The following SLCO3A1 variants were observed in gnomAD, a reference collection of about 807,000 sequenced individuals.
SLCO3A1 encodes PGE1 transporter.
SLCO3A1 carries 27 observed loss-of-function variants against 63.1 expected under a neutral mutation model. The observed-to-expected ratio is 0.43, with a 90% CI of 0.32 to 0.59. The LOEUF (loss-of-function observed/expected upper bound fraction) is 0.59. SLCO3A1 is among the 20% of genes least tolerant of loss of function. The pLI is 0.09. For synonymous variants in SLCO3A1, 473 were observed against 409.9 expected, an observed-to-expected ratio of 1.15 and a Z score of -1.86; for missense variants, 773 against 945.8, an observed-to-expected ratio of 0.82 and a Z score of 2.40.
intron 2 of SLCO3A1, among the ~76,000 whole-genome samples, chr15:92,045,648 G>A (rs1454608224): frequency 6.6e-6 from 1 of 152,068 alleles, no homozygotes; most frequent in African/African-American, 2.4e-5. Flanking sequence ...CACCTTTTCA[G>A]CAGTATAAAT....
intron 2 of SLCO3A1, among the ~76,000 whole-genome samples, chr15:92,058,432 C>T (rs1199983283): frequency 6.6e-6 from 1 of 152,116 alleles, no homozygotes; most frequent in Non-Finnish European, 1.5e-5. Context: ...ATCCCCTAAG[C>T]CCATTCCTTT....
chr15:92,149,523 T>G (rs923777877), intron 8 of SLCO3A1: 3 of 152,294 alleles, frequency 2.0e-5, no homozygotes, highest in African/African-American at 7.2e-5. Context: ...TGAAAGCTGA[T>G]GCCCAGCCCC....
At chr15:91,901,619 G>A (rs1898159252) in intron 1 of SLCO3A1, among the ~76,000 whole-genome samples, 1 of 152,176 alleles carries the variant, frequency 6.6e-6, no homozygotes. Flanking sequence ...TTTGCCGGAT[G>A]TAGAATTCTT....
chr15:92,035,966 T>C (rs982176131), intron 2 of SLCO3A1, among the ~76,000 whole-genome samples: 27 of 147,476 alleles, frequency 1.8e-4, no homozygotes, highest in African/African-American at 5.6e-4. Flanking sequence ...TAGACTCTAG[T>C]GTCAGCCAGA....
At chr15:92,152,483 G>A (rs1450081441) in intron 9 of SLCO3A1, among the ~76,000 whole-genome samples, 3 of 152,210 alleles carry the variant, frequency 2.0e-5, no homozygotes, top group Admixed American at 6.5e-5. Context: ...GTGTGAAGAT[G>A]CCCCAATTAA....
chr15:92,034,101 C>G (rs879711072), intron 2 of SLCO3A1, among the ~76,000 whole-genome samples: 8 of 147,270 alleles, frequency 5.4e-5, no homozygotes, highest in Admixed American at 2.0e-4. Context: ...CTGACAACTC[C>G]TGGGTGCTCT....
At chr15:92,024,202 C>G (rs2046543266) in intron 2 of SLCO3A1, among the ~76,000 whole-genome samples, 1 of 152,276 alleles carries the variant, frequency 6.6e-6, no homozygotes, top group African/African-American at 2.4e-5. Context: ...GCAATCCCCA[C>G]TTCCATACAT....
chr15:91,906,920 A>C (rs973302530), intron 1 of SLCO3A1, among the ~76,000 whole-genome samples: 2 of 104,364 alleles, frequency 1.9e-5, no homozygotes, highest in Non-Finnish European at 3.6e-5. Flanking sequence ...GAAGCAATTA[A>C]ATTGAGTGTT....
chr15:92,076,736 C>T (rs1446433213), intron 2 of SLCO3A1, among the ~76,000 whole-genome samples: 1 of 152,208 alleles, frequency 6.6e-6, no homozygotes, highest in Non-Finnish European at 1.5e-5. Context: ...AGCCAGGTCC[C>T]CACCTGCACT....
chr15:92,086,309 C>G (rs1239681543), intron 2 of SLCO3A1, among the ~76,000 whole-genome samples: 1 of 152,206 alleles, frequency 6.6e-6, no homozygotes, highest in African/African-American at 2.4e-5. Flanking sequence ...CTTTAACCAG[C>G]TGAAACACAC....
At chr15:92,063,245 G>C (rs1032165939) in intron 2 of SLCO3A1, among the ~76,000 whole-genome samples, 14 of 152,346 alleles carry the variant, frequency 9.2e-5, no homozygotes, top group African/African-American at 3.1e-4. Context: ...TAATGTGACA[G>C]ATGCTGATCG....
At chr15:92,019,391 C>T (rs1257985452) in intron 2 of SLCO3A1, among the ~76,000 whole-genome samples, 3 of 152,206 alleles carry the variant, frequency 2.0e-5, no homozygotes, top group Admixed American at 6.5e-5. Context: ...AAGCATGTAG[C>T]TCTTCCATGC....
At chr15:91,907,505 C>A (rs1898348678) in intron 1 of SLCO3A1, among the ~76,000 whole-genome samples, 1 of 150,332 alleles carries the variant, frequency 6.7e-6, no homozygotes, top group African/African-American at 2.5e-5. Flanking sequence ...TGTGCCTGGC[C>A]CAAGGAGGCC....
At chr15:92,043,290 A>G (rs1223783198) in intron 2 of SLCO3A1, among the ~76,000 whole-genome samples, 1 of 152,222 alleles carries the variant, frequency 6.6e-6, no homozygotes, top group Non-Finnish European at 1.5e-5. Flanking sequence ...CATGGACGGC[A>G]TTGCCCATGG....
intron 2 of SLCO3A1, among the ~76,000 whole-genome samples, chr15:92,016,254 T>TTAGATAGATAGA (rs1555424441): frequency 0.012 from 1,159 of 95,658 alleles, 14 homozygotes; most frequent in Admixed American, 0.033. Flanking sequence ...GATAGATAGA[T>TTAGATAGATAGA]TAGATAGATA....
chr15:91,878,208 C>T (rs1458798516), intron 1 of SLCO3A1, among the ~76,000 whole-genome samples: 1 of 151,350 alleles, frequency 6.6e-6, no homozygotes, highest in African/African-American at 2.4e-5. Flanking sequence ...GCCTCAGCCT[C>T]CCGGATAGCT....
In SLCO3A1 at chr15:92,143,931, G is replaced by C. The variant is rs146329319; in HGVS notation, c.1513-3053G>C. On this transcript the variant is annotated intron_variant, in intron 7 of 9. Transcript: ENST00000318445. ...TCAGGAGATCTGATGGGCACTCTGC[G>C]ATGTGGGGAGCCACGTGGCCTGCAG... Among the ~76,000 whole-genome samples the C allele has an allele frequency of 4.7e-3, 713 of 152,310 alleles. 6 individuals carry two copies. Among genetic ancestry groups the C allele is most frequent in the African/African-American group, 0.016 (663 of 41,578 alleles).
chr15:91,871,251 A>G (rs1802377573), intron 1 of SLCO3A1, among the ~76,000 whole-genome samples: 2 of 152,148 alleles, frequency 1.3e-5, no homozygotes, highest in South Asian at 4.1e-4. Context: ...GTCTTGGGCC[A>G]GTTGAGCTGT....
At chr15:92,008,413 C>A (rs1822933992) in intron 2 of SLCO3A1, among the ~76,000 whole-genome samples, 1 of 152,318 alleles carries the variant, frequency 6.6e-6, no homozygotes, top group East Asian at 1.9e-4. Context: ...AGAATCATAA[C>A]ACTTGTTCCA....
Sources: allele counts gnomAD v4.1 joint callset (sites outside exome capture counted in the v4.1 genomes callset), GRCh38; gene constraint gnomAD v4.1.1; transcripts MANE v1.5; gene names NCBI Gene and HGNC (gene_info 2026-07-23, HGNC 2026-07-21).